The following CACNG8 variants were observed in gnomAD, a reference collection of about 807,000 sequenced individuals.
CACNG8 encodes voltage-dependent calcium channel gamma-8 subunit.
A neutral mutation model predicts 26.9 loss-of-function variants in CACNG8; 5 were observed. The ratio of observed to expected loss-of-function variants is 0.19; its 90% CI spans 0.10 to 0.39. The LOEUF is 0.39. CACNG8 is among the 10% of genes least tolerant of loss of function. The probability of loss-of-function intolerance (pLI) is 1.00; values close to 1 mark genes in which losing one functional copy is unlikely to be tolerated. For synonymous variants in CACNG8, 321 were observed against 296.7 expected, an observed-to-expected ratio of 1.08 and a Z score of -0.84; for missense variants, 473 against 609.4, an observed-to-expected ratio of 0.78 and a Z score of 2.36.
At chr19:53,979,134 C>G (rs1250714549) in intron 2 of CACNG8, among the ~76,000 whole-genome samples, 1 of 124,236 alleles carries the variant, frequency 8.0e-6, no homozygotes, top group African/African-American at 3.2e-5. Context: ...GCTAGGAAGA[C>G]AGATGAGGCC....
At chr19:53,969,810 C>T (rs1473121212) in intron 1 of CACNG8, among the ~76,000 whole-genome samples, 1 of 152,258 alleles carries the variant, frequency 6.6e-6, no homozygotes, top group Admixed American at 6.5e-5. Flanking sequence ...AAGGAGCGGC[C>T]GTTCTTTATT....
rs1460819292 is a variant in CACNG8 at position 53,980,025 on chromosome 19, G to A, written c.508+18G>A. 6.3e-7 allele frequency: 1 copy of A among 1,588,450 alleles called. No individual in the cohort carries two copies. Among genetic ancestry groups the A allele is most frequent in the Non-Finnish European group, 8.6e-7 (1 of 1,167,444 alleles). ...GGCAGCAGGTGAGAGGCAGAGGGAGGGGGCGACCGGGGCGGCCCACCTGGG... is the reference window on the plus strand; with the variant it reads ...GGCAGCAGGTGAGAGGCAGAGGGAGAGGGCGACCGGGGCGGCCCACCTGGG... On this transcript the variant is annotated intron_variant, in intron 3 of 3. Transcript: ENST00000270458.
rs769981108 is a variant in CACNG8 at position 53,982,545 on chromosome 19, C to CCGGCGGCGG, written c.986_994dup (p.Gly329_Gly331dup). 1.6e-5 allele frequency: 19 copies of CCGGCGGCGG among 1,216,134 alleles called. No homozygotes were observed. The highest frequency in any genetic ancestry group is 9.0e-5 in the Admixed American group (2 of 22,336). 75.3% of individuals were successfully genotyped at this position (1,216,134 alleles called of 1,614,324 possible). ...AGCGTGGCCGCGGGGCTGGCGGGGG[C>CCGGCGGCGG]CGGCGGCGGCGGCGGCGGCGCCGTG... On this transcript the variant is annotated inframe_insertion, in exon 4 of 4. Coordinates refer to ENST00000270458, the MANE Select transcript of CACNG8 (RefSeq NM_031895.6). The surrounding 1 kb of genome is among the most constrained non-coding windows in gnomAD (Gnocchi z 8.4).
chr19:53,977,811 C>T (rs1280288377), intron 1 of CACNG8, among the ~76,000 whole-genome samples: 1 of 152,170 alleles, frequency 6.6e-6, no homozygotes, highest in Non-Finnish European at 1.5e-5. Flanking sequence ...CTCTTTCTTA[C>T]AGAGGTGGGA....
chr19:53,989,104 C>T lies in CACNG8; in HGVS notation c.*6255C>T, dbSNP rs1339314941. On this transcript the variant is annotated 3_prime_UTR_variant, in exon 4 of 4. Coordinates refer to ENST00000270458, the MANE Select transcript of CACNG8 (RefSeq NM_031895.6). ...GCAATATAGTAAGACCCCGTCTCTA[C>T]AAAAATGAAAAATGAGCTGTGGCGT... 1 of 152,066 alleles carries T rather than the reference C, an allele frequency of 6.6e-6. No homozygotes were observed. The highest frequency in any genetic ancestry group is 1.5e-5 in the Non-Finnish European group (1 of 68,042). The allele number at this position is 152,066 out of a possible 1,614,324, so 9.4% of individuals were successfully genotyped here. A position where few individuals can be genotyped will look rare whatever the true frequency, so the allele number is the denominator to read the frequency against.
In CACNG8 at chr19:53,980,097, CGT is replaced by C. The variant is rs1555815536; in HGVS notation, c.508+92_508+93del. On this transcript the variant is annotated intron_variant, in intron 3 of 3. Transcript: ENST00000270458. ...GTGTGTGTGTGTGTGCGCGCGCGCG[CGT>C]GAGTGCAAGTGCGCGTTCGTGTGTC... The C allele has an allele frequency of 8.2e-5, 109 of 1,324,372 alleles. 1 individual carries two copies. In the Middle Eastern group the frequency reaches 1.1e-3, roughly 13 times the overall value. The allele number at this position is 1,324,372 out of a possible 1,614,324, so 82.0% of individuals were successfully genotyped here. A position where few individuals can be genotyped will look rare whatever the true frequency, so the allele number is the denominator to read the frequency against.
chr19:53,987,372 A>G lies in CACNG8; in HGVS notation c.*4523A>G, dbSNP rs1319144105. The G allele has an allele frequency of 6.6e-6, 1 of 152,288 alleles. No homozygotes were observed. Among genetic ancestry groups the G allele is most frequent in the African/African-American group, 2.4e-5 (1 of 41,448 alleles). The allele number at this position is 152,288 out of a possible 1,614,324, so 9.4% of individuals were successfully genotyped here. On this transcript the variant is annotated 3_prime_UTR_variant, in exon 4 of 4. Transcript: ENST00000270458. Reference sequence around the variant, plus strand: ...GGAGTGAGCCACTGCGCCCGGCCTCATATTTTTATTTAAACAAGAACAGCA... The same window carrying G: ...GGAGTGAGCCACTGCGCCCGGCCTCGTATTTTTATTTAAACAAGAACAGCA...
intron 3 of CACNG8, among the ~76,000 whole-genome samples, chr19:53,980,269 C>G (rs2069357916): frequency 6.6e-6 from 1 of 151,988 alleles, no homozygotes; most frequent in Non-Finnish European, 1.5e-5. Flanking sequence ...AGGTGTCTGG[C>G]GCGTAAGACG....
At chr19:53,967,739 G>A (rs1424526573) in intron 1 of CACNG8, among the ~76,000 whole-genome samples, 1 of 152,162 alleles carries the variant, frequency 6.6e-6, no homozygotes, top group East Asian at 1.9e-4. Context: ...GTAGGCTGAG[G>A]CAGGAGAATC....
Position 53,982,404 on chromosome 19 carries a change from C to G in CACNG8, c.833C>G (p.Ser278Cys). The change falls in exon 4 of 4, where the codon TCC becomes TGC. Residue 278 changes from serine to cysteine, a missense_variant. This residue lies in a region of CACNG8 where 212 missense variants were observed against 214.4 expected (regional missense o/e 0.99). Coordinates refer to ENST00000270458, the MANE Select transcript of CACNG8 (RefSeq NM_031895.6). This position sits in a 1 kb window ranked among gnomAD's most constrained non-coding sequence, Gnocchi z 8.4. The stretch of plus-strand genomic sequence containing the variant: ...TACCGCCGCCGCTCCCGCTCTAGCT[C>G]CCGCTCCAGCGAGCCGTCGCCGTCG... 6.6e-7 allele frequency: 1 copy of G among 1,524,060 alleles called. No homozygotes were observed. Among genetic ancestry groups the G allele is most frequent in the Non-Finnish European group, 8.8e-7 (1 of 1,142,058 alleles). The allele number at this position is 1,524,060 out of a possible 1,614,324, so 94.4% of individuals were successfully genotyped here.
In CACNG8 at chr19:53,975,414, C is replaced by T. The variant is rs376251009; in HGVS notation, c.284-2732C>T. On this transcript the variant is annotated intron_variant, in intron 1 of 3. Transcript: ENST00000270458. ...TTCTTTTTTGAGACTGAGTCTCGCT[C>T]TCTCGCCCAGGCTGGAGTGCAGTGG... is the stretch of plus-strand genomic sequence containing the variant. Among the ~76,000 whole-genome samples the T allele has an allele frequency of 8.7e-5, 13 of 148,790 alleles. No homozygotes were observed. In the East Asian group the frequency reaches 2.1e-3, roughly 24 times the overall value.
intron 3 of CACNG8, among the ~76,000 whole-genome samples, 164 bp downstream of exon 3, chr19:53,980,171 C>T (rs2069357012): frequency 6.6e-6 from 1 of 151,958 alleles, no homozygotes; most frequent in Non-Finnish European, 1.5e-5. Flanking sequence ...CGGAGCCTTC[C>T]TAGGCGGTCC....
At chr19:53,967,801 C>T (rs557972757) in intron 1 of CACNG8, among the ~76,000 whole-genome samples, 3 of 152,272 alleles carry the variant, frequency 2.0e-5, no homozygotes, top group East Asian at 3.9e-4. Flanking sequence ...CATCACTGCA[C>T]TCTAGCCTGG....
chr19:53,964,340 A>C (rs536724635), intron 1 of CACNG8, among the ~76,000 whole-genome samples: 1 of 150,540 alleles, frequency 6.6e-6, no homozygotes, highest in East Asian at 2.0e-4. Flanking sequence ...GCCCTCACTC[A>C]TGACTTTCTC....
intron 1 of CACNG8, among the ~76,000 whole-genome samples, chr19:53,966,876 G>A (rs1052272693): frequency 6.6e-6 from 1 of 152,170 alleles, no homozygotes; most frequent in Non-Finnish European, 1.5e-5. Flanking sequence ...CATCTAGGGT[G>A]GGGGCAGCAG....
intron 3 of CACNG8, among the ~76,000 whole-genome samples, chr19:53,980,643 G>A (rs367960916): frequency 3.5e-4 from 53 of 152,278 alleles, no homozygotes; most frequent in African/African-American, 1.2e-3. Context: ...AAGGGGGAGG[G>A]GTTATGTCCT....
chr19:53,980,802 G>A (rs1464166728), intron 3 of CACNG8, among the ~76,000 whole-genome samples: 2 of 152,198 alleles, frequency 1.3e-5, no homozygotes, highest in Non-Finnish European at 2.9e-5. Flanking sequence ...TAAGGGGTAA[G>A]GCCCCCTTTC....
In CACNG8 at chr19:53,987,287, C is replaced by T. The variant is rs2069413567; in HGVS notation, c.*4438C>T. On this transcript the variant is annotated 3_prime_UTR_variant, in exon 4 of 4. Transcript: ENST00000270458. ...ATTTCACCGTGTTGGCCAGGCCAATCTGAAATTCCTGGCTTCAAATGATCC... is the reference window on the plus strand; with the variant it reads ...ATTTCACCGTGTTGGCCAGGCCAATTTGAAATTCCTGGCTTCAAATGATCC... The T allele has an allele frequency of 6.6e-6, 1 of 152,188 alleles. No homozygotes were observed. The allele number at this position is 152,188 out of a possible 1,614,324, so 9.4% of individuals were successfully genotyped here. A position where few individuals can be genotyped will look rare whatever the true frequency, so the allele number is the denominator to read the frequency against.
In CACNG8 at chr19:53,978,142, C is replaced by T. The variant is rs148818074; in HGVS notation, c.284-4C>T. On this transcript the variant is annotated splice_polypyrimidine_tract_variant and splice_region_variant and intron_variant, in intron 1 of 3. Coordinates refer to ENST00000270458, the MANE Select transcript of CACNG8 (RefSeq NM_031895.6). ...CCCCACCACTGCCCTCCCCGCTCCT[C>T]CAGGGTTGAAAAGAGGCGTCTGCGT... 1.1e-3 allele frequency: 1,712 copies of T among 1,610,360 alleles called. 3 individuals are homozygous for T. In the Middle Eastern group the frequency reaches 0.011, roughly 10 times the overall value.
Sources: gnomAD v4.1 joint callset for allele counts (sites outside exome capture counted in the v4.1 genomes callset) on GRCh38, gnomAD v4.1.1 for gene constraint, gnomAD v4.1.1 regional missense constraint, Gnocchi (gnomAD v3.1) non-coding constraint, MANE v1.5 for transcripts, NCBI Gene and HGNC (gene_info 2026-07-23, HGNC 2026-07-21) for gene names.